SHC3: variants seen among roughly 807,000 people sequenced by gnomAD.
The protein encoded by SHC3 is SHC adaptor protein 3, also known as SHC-transforming protein 3.
In SHC3, 15 loss-of-function variants were observed where a neutral mutation model predicts 60.4. The observed-to-expected ratio is 0.25, with a 90% CI of 0.17 to 0.38. SHC3 has a LOEUF of 0.38. SHC3 is among the 10% of genes least tolerant of loss of function. SHC3 has a pLI of 1.00. For synonymous variants in SHC3, 294 were observed against 325.9 expected, an observed-to-expected ratio of 0.90 and a Z score of 1.05; for missense variants, 677 against 786.1, an observed-to-expected ratio of 0.86 and a Z score of 1.66.
intron 6 of SHC3, among the ~76,000 whole-genome samples, chr9:89,062,698 T>C (rs1420245423): frequency 1.3e-5 from 2 of 152,214 alleles, no homozygotes; most frequent in East Asian, 3.9e-4. Context: ...CACTACAAGG[T>C]CTGCTCATAC....
chr9:89,018,920 G>T (rs867412634), intron 11 of SHC3, among the ~76,000 whole-genome samples: 2 of 151,440 alleles, frequency 1.3e-5, no homozygotes, highest in African/African-American at 2.4e-5. Flanking sequence ...TTAGCCGGAC[G>T]TCATGGTGGG....
intron 1 of SHC3, among the ~76,000 whole-genome samples, chr9:89,136,326 G>T (rs1826318938): frequency 1.3e-5 from 2 of 152,164 alleles, no homozygotes; most frequent in South Asian, 4.1e-4. Flanking sequence ...GGAAGTTAAG[G>T]CATTCTAAGT....
chr9:89,077,875 C>T lies in SHC3; in HGVS notation c.574G>A (p.Val192Met). The T allele has an allele frequency of 1.2e-6, 2 of 1,614,216 alleles. No individual in the cohort carries two copies. Among genetic ancestry groups the T allele is most frequent in the Non-Finnish European group, 8.5e-7 (1 of 1,180,036 alleles). The change falls in exon 3 of 12, where the codon GTG becomes ATG. Residue 192 changes from valine (V) to methionine (M), a missense_variant. Coordinates refer to ENST00000375835, the MANE Select transcript of SHC3 (RefSeq NM_016848.6). ...REAISRVCEA[V>M]PGAKGAFKKR... is the part of the protein sequence containing the mutation. ...TTGAAGGCTCCCTTCGCACCAGGCA[C>T]AGCTTCACAGACGCGGCTGATGGCT...
At chr9:89,020,014 T>C (rs1284260114) in intron 11 of SHC3, among the ~76,000 whole-genome samples, 5 of 152,176 alleles carry the variant, frequency 3.3e-5, no homozygotes, top group African/African-American at 1.2e-4. Flanking sequence ...TCTGGAATGG[T>C]TCATAGTAAG....
chr9:89,060,598 G>T (rs1825071390), intron 6 of SHC3, among the ~76,000 whole-genome samples: 1 of 151,978 alleles, frequency 6.6e-6, no homozygotes, highest in African/African-American at 2.4e-5. Context: ...GCAGGGAGAG[G>T]GGATCATAGG....
At chr9:89,047,023 A>G in intron 7 of SHC3, 29 bp from the exon 8 acceptor site, 1 of 1,510,264 alleles carries the variant, frequency 6.6e-7, no homozygotes, top group Non-Finnish European at 8.9e-7. Context: ...CAAGGGCTTT[A>G]GCCAAAAGTT....
intron 1 of SHC3, among the ~76,000 whole-genome samples, chr9:89,149,894 C>T (rs1004979601): frequency 2.0e-5 from 3 of 152,146 alleles, no homozygotes; most frequent in Non-Finnish European, 2.9e-5. Context: ...TTGCTCCACC[C>T]GCAGTGTGAA....
At chr9:89,056,972 C>G (rs1384453092) in intron 6 of SHC3, among the ~76,000 whole-genome samples, 1 of 152,258 alleles carries the variant, frequency 6.6e-6, no homozygotes, top group African/African-American at 2.4e-5. Flanking sequence ...ATCAGCCTCT[C>G]CAGGGTGGCT....
At chr9:89,086,923 C>G (rs960375552) in intron 2 of SHC3, among the ~76,000 whole-genome samples, 1 of 152,136 alleles carries the variant, frequency 6.6e-6, no homozygotes, top group Non-Finnish European at 1.5e-5. Flanking sequence ...TGCACTGATC[C>G]TAAGATATAT....
At chr9:89,164,158 G>T (rs1040065385) in intron 1 of SHC3, among the ~76,000 whole-genome samples, 1 of 152,252 alleles carries the variant, frequency 6.6e-6, no homozygotes, top group East Asian at 1.9e-4. Flanking sequence ...CTAGATTATG[G>T]TTTCCCTGAG....
chr9:89,113,708 T>C (rs1260080463), intron 1 of SHC3, among the ~76,000 whole-genome samples: 2 of 152,184 alleles, frequency 1.3e-5, no homozygotes, highest in African/African-American at 4.8e-5. Context: ...GGGATTACCA[T>C]ACCTAACACC....
chr9:89,170,363 C>T (rs148972683), intron 1 of SHC3, among the ~76,000 whole-genome samples: 80 of 152,330 alleles, frequency 5.3e-4, no homozygotes, highest in African/African-American at 1.8e-3. Context: ...ATGCATATGT[C>T]GGCCTGGCAC....
At chr9:89,041,927 T>A (rs755279122) in intron 10 of SHC3, 99 bp downstream of exon 10, 11 of 1,467,036 alleles carry the variant, frequency 7.5e-6, no homozygotes, top group African/African-American at 1.4e-5. Flanking sequence ...ACCAAAACCC[T>A]ACTATCAGAA....
At chr9:89,048,241 T>TAAAAAAAAA (rs34217569) in intron 7 of SHC3, among the ~76,000 whole-genome samples, 1 of 133,952 alleles carries the variant, frequency 7.5e-6, no homozygotes, top group African/African-American at 2.8e-5. Context: ...AAGACTCCAT[T>TAAAAAAAAA]AAAAAAAAAA....
chr9:89,112,645 T>C lies in SHC3; in HGVS notation c.475-19A>G. On this transcript the variant is annotated intron_variant, in intron 1 of 11. Coordinates refer to ENST00000375835, the MANE Select transcript of SHC3 (RefSeq NM_016848.6). ...CCAAGTACTGCAAGGGGAAAAAATG[T>C]AAATCGTGAGCCCTGAGATTTGAGA... The C allele has an allele frequency of 6.3e-7, 1 of 1,576,414 alleles. No homozygotes were observed. Among genetic ancestry groups the C allele is most frequent in the Non-Finnish European group, 8.6e-7 (1 of 1,164,494 alleles).
At chr9:89,075,681 A>G (rs928353999) in intron 3 of SHC3, among the ~76,000 whole-genome samples, 8 of 152,234 alleles carry the variant, frequency 5.3e-5, no homozygotes, top group Admixed American at 3.3e-4. Flanking sequence ...CAAGAATCCC[A>G]GAGAGATGCA....
intron 11 of SHC3, among the ~76,000 whole-genome samples, chr9:89,025,858 T>C (rs1183048564): frequency 1.3e-5 from 2 of 152,246 alleles, no homozygotes. Flanking sequence ...GTGGGGAAAA[T>C]CTGTATTCTG....
intron 6 of SHC3, among the ~76,000 whole-genome samples, chr9:89,054,276 C>T (rs1321612372): frequency 2.0e-5 from 3 of 152,130 alleles, no homozygotes; most frequent in South Asian, 2.1e-4. Context: ...GTGACTAACT[C>T]GGGGGCAGGC....
At chr9:89,159,546 G>A (rs535699207) in intron 1 of SHC3, among the ~76,000 whole-genome samples, 9 of 152,286 alleles carry the variant, frequency 5.9e-5, no homozygotes, top group Admixed American at 3.3e-4. Flanking sequence ...ATTAGTCAGC[G>A]TTCTCTAGAG....
Sources: gnomAD v4.1 joint callset for allele counts (sites outside exome capture counted in the v4.1 genomes callset) on GRCh38, gnomAD v4.1.1 for gene constraint, MANE v1.5 for transcripts, NCBI Gene and HGNC (gene_info 2026-07-23, HGNC 2026-07-21) for gene names.